The following ANK3 variants were observed in gnomAD, a reference collection of about 807,000 sequenced individuals.
The protein encoded by ANK3 is ankyrin 3.
ANK3 carries 57 observed loss-of-function variants against 370.9 expected under a neutral mutation model. That is an observed-to-expected ratio of 0.15 (90% CI 0.12 to 0.19). The LOEUF (loss-of-function observed/expected upper bound fraction) is 0.19. Among genes scored for constraint, ANK3 ranks in the 10% least tolerant of loss-of-function variants. ANK3 has a pLI of 1.00. For missense variants in ANK3, 4,439 were observed against 5,302.1 expected, an observed-to-expected ratio of 0.84 and a Z score of 5.06; for synonymous variants, 1,929 against 1,946.3, an observed-to-expected ratio of 0.99 and a Z score of 0.23.
At chr10:60,159,433 T>G (rs2132274421) in intron 23 of ANK3, among the ~76,000 whole-genome samples, 2 of 152,200 alleles carry the variant, frequency 1.3e-5, no homozygotes, top group South Asian at 4.1e-4. Flanking sequence ...AAGCAATTAT[T>G]AGAGGTAAAG....
intron 2 of ANK3, among the ~76,000 whole-genome samples, chr10:60,458,954 T>A (rs935430259): frequency 6.6e-6 from 1 of 152,106 alleles, no homozygotes; most frequent in African/African-American, 2.4e-5. Context: ...TTAATGCTCC[T>A]AACAAAAAAT....
chr10:60,656,874 C>T (rs1457264003), intron 1 of ANK3, among the ~76,000 whole-genome samples: 3 of 152,168 alleles, frequency 2.0e-5, no homozygotes, highest in Non-Finnish European at 4.4e-5. Context: ...CCCCCTGCTT[C>T]AGCCTCCTGA....
At chr10:60,473,800 A>C (rs2074981308) in intron 2 of ANK3, among the ~76,000 whole-genome samples, 1 of 152,074 alleles carries the variant, frequency 6.6e-6, no homozygotes, top group African/African-American at 2.4e-5. Context: ...GAAAACAATG[A>C]CATATGACAG....
At chr10:60,699,979 A>G (rs997475703) in intron 1 of ANK3, among the ~76,000 whole-genome samples, 1 of 152,168 alleles carries the variant, frequency 6.6e-6, no homozygotes, top group African/African-American at 2.4e-5. Context: ...GGATGTAAAG[A>G]TCCCACTGGC....
At chr10:60,181,229 G>T in intron 18 of ANK3, 100 bp downstream of exon 18, 1 of 1,041,952 alleles carries the variant, frequency 9.6e-7, no homozygotes, top group Non-Finnish European at 1.5e-6. Flanking sequence ...GAAAAGAGAT[G>T]ATTAAAGGGT....
At chr10:60,646,998 T>C (rs2078717867) in intron 1 of ANK3, among the ~76,000 whole-genome samples, 1 of 152,172 alleles carries the variant, frequency 6.6e-6, no homozygotes, top group Non-Finnish European at 1.5e-5. Flanking sequence ...GTGATGTATA[T>C]AGACATTACA....
chr10:60,131,630 C>T (rs572666372), intron 25 of ANK3, among the ~76,000 whole-genome samples: 1 of 152,276 alleles, frequency 6.6e-6, no homozygotes, highest in African/African-American at 2.4e-5. Flanking sequence ...CACAGTCTAC[C>T]TGAGTAAGTA....
chr10:60,197,891 A>C (rs147665780), intron 14 of ANK3, among the ~76,000 whole-genome samples: 1 of 152,352 alleles, frequency 6.6e-6, no homozygotes, highest in East Asian at 1.9e-4. Context: ...AAGTCAGACA[A>C]GACAATAATG....
chr10:60,137,388 A>AAAAC (rs1565245803), intron 24 of ANK3: 1 of 367,802 alleles, frequency 2.7e-6, no homozygotes, highest in African/African-American at 2.2e-5. Flanking sequence ...AAAAAAAAAA[A>AAAAC]AAAACAAGAA....
At chr10:60,394,438 A>G (rs567334001), upstream of ANK3, among the ~76,000 whole-genome samples, 2 of 152,198 alleles carry the variant, frequency 1.3e-5, no homozygotes, top group Non-Finnish European at 2.9e-5. Context: ...CCTTGGTGCC[A>G]TCTGTCTTAG....
intron 1 of ANK3, among the ~76,000 whole-genome samples, chr10:60,699,049 G>A (rs1455111587): frequency 1.4e-5 from 2 of 147,562 alleles, no homozygotes; most frequent in Admixed American, 1.3e-4. Context: ...AACATGGTAT[G>A]TTCTCACTGG....
At chr10:60,379,195 A>AAAAAAT (rs1208910592) in intron 1 of ANK3, among the ~76,000 whole-genome samples, 1 of 152,086 alleles carries the variant, frequency 6.6e-6, no homozygotes, top group East Asian at 1.9e-4. Context: ...CAAAAAGACA[A>AAAAAAT]AAAAATAAAA....
chr10:60,103,517 G>A (rs1039760663), intron 28 of ANK3, among the ~76,000 whole-genome samples: 3 of 151,894 alleles, frequency 2.0e-5, no homozygotes, highest in Admixed American at 6.6e-5. Flanking sequence ...TGCTTTTGAA[G>A]AGAGGAAAGT....
chr10:60,648,380 C>T (rs1467051179), intron 1 of ANK3, among the ~76,000 whole-genome samples: 1 of 128,774 alleles, frequency 7.8e-6, no homozygotes, highest in Non-Finnish European at 1.6e-5. Flanking sequence ...AGGCTGGTCT[C>T]GAACTCCTGA....
intron 41 of ANK3, among the ~76,000 whole-genome samples, chr10:60,056,884 G>A (rs562175906): frequency 1.3e-5 from 2 of 152,054 alleles, no homozygotes; most frequent in African/African-American, 4.8e-5. Context: ...AAATTAGTGG[G>A]CACAGTGGTG....
intron 1 of ANK3, among the ~76,000 whole-genome samples, chr10:60,668,425 C>T (rs569190360): frequency 4.6e-5 from 7 of 151,510 alleles, no homozygotes; most frequent in South Asian, 2.1e-4. Flanking sequence ...AGAGGCCATC[C>T]GACTCATGGT....
At chr10:60,116,372 C>T (rs2093086455) in intron 25 of ANK3, among the ~76,000 whole-genome samples, 1 of 152,104 alleles carries the variant, frequency 6.6e-6, no homozygotes, top group Non-Finnish European at 1.5e-5. Context: ...AACCTCTACA[C>T]CATACAGAGA....
chr10:60,026,376 G>A lies in ANK3; in HGVS notation c.*3470C>T, dbSNP rs1436456550. The A allele has an allele frequency of 6.6e-6, 1 of 152,052 alleles. No individual in the cohort carries two copies. Among genetic ancestry groups the A allele is most frequent in the East Asian group, 1.9e-4 (1 of 5,190 alleles). The allele number at this position is 152,052 out of a possible 1,614,324, so 9.4% of individuals were successfully genotyped here. ...AAACAGAAGCAGTGTGATATGCCTG[G>A]GAAATTACACACCTTGTAATATGTC... On this transcript the variant is annotated 3_prime_UTR_variant, in exon 44 of 44. Transcript: ENST00000280772.
chr10:60,572,912 G>A (rs758971639), intron 2 of ANK3: 2 of 1,008,674 alleles, frequency 2.0e-6, no homozygotes, highest in Non-Finnish European at 2.4e-6. Context: ...GAGAGAGAGA[G>A]ACACACACAC....
Sources: gnomAD v4.1 joint callset for allele counts (sites outside exome capture counted in the v4.1 genomes callset) on GRCh38, gnomAD v4.1.1 for gene constraint, MANE v1.5 for transcripts, NCBI Gene and HGNC (gene_info 2026-07-23, HGNC 2026-07-21) for gene names.